ELMOD1: variants seen among roughly 807,000 people sequenced by gnomAD.
ELMOD1 encodes the protein ELMO domain-containing protein 1.
ELMOD1 carries 21 observed loss-of-function variants against 46.7 expected under a neutral mutation model. The ratio of observed to expected loss-of-function variants is 0.45; its 90% confidence interval spans 0.32 to 0.65. The LOEUF is 0.65. Ranked by LOEUF, ELMOD1 falls within the 30% of genes least tolerant of loss-of-function variation. The pLI is 0.04. For missense variants in ELMOD1, 348 were observed against 407.8 expected, an observed-to-expected ratio of 0.85 and a Z score of 1.26; for synonymous variants, 122 against 138.2, an observed-to-expected ratio of 0.88 and a Z score of 0.82.
intron 1 of ELMOD1, among the ~76,000 whole-genome samples, chr11:107,606,733 G>T (rs1031223572): frequency 1.3e-5 from 2 of 152,020 alleles, no homozygotes; most frequent in African/African-American, 4.8e-5. Flanking sequence ...TACTCGGGAG[G>T]CTGAGGCAGG....
Position 107,631,667 on chromosome 11 carries a change from G to C in ELMOD1, c.280G>C (p.Val94Leu). ...IMELKKINPD[V>L]NPQLGISLQA... Reference sequence around the variant, plus strand: ...GGAACTGAAAAAAATTAATCCTGACGTAAATCCACAGTAAGAATATGTTTC... The same window carrying C: ...GGAACTGAAAAAAATTAATCCTGACCTAAATCCACAGTAAGAATATGTTTC... Residue 94 changes from valine (V) to leucine (L), a missense_variant, in exon 5 of 12, where the codon GTA becomes CTA. Coordinates refer to ENST00000265840, the MANE Select transcript of ELMOD1 (RefSeq NM_018712.4). The C allele has an allele frequency of 6.6e-7, 1 of 1,519,326 alleles. No homozygotes were observed. The highest frequency in any genetic ancestry group is 8.9e-7 in the Non-Finnish European group (1 of 1,119,648). 94.1% of individuals were successfully genotyped at this position (1,519,326 alleles called of 1,614,324 possible).
intron 1 of ELMOD1, among the ~76,000 whole-genome samples, chr11:107,596,685 A>T (rs1248119109): frequency 6.6e-6 from 1 of 152,198 alleles, no homozygotes; most frequent in Non-Finnish European, 1.5e-5. Context: ...AAAAGCCTTT[A>T]TTAAAATACT....
At chr11:107,619,197 C>G (rs1219718352) in intron 2 of ELMOD1, among the ~76,000 whole-genome samples, 2 of 152,166 alleles carry the variant, frequency 1.3e-5, no homozygotes, top group African/African-American at 2.4e-5. Flanking sequence ...TTTGATGCAG[C>G]TACTGGTAGT....
intron 1 of ELMOD1, among the ~76,000 whole-genome samples, chr11:107,597,474 C>T (rs1314754660): frequency 1.3e-5 from 2 of 152,146 alleles, no homozygotes; most frequent in Admixed American, 1.3e-4. Context: ...AAAAATATAA[C>T]ATACTGTACT....
At chr11:107,658,883 C>T (rs1396402203) in intron 11 of ELMOD1, among the ~76,000 whole-genome samples, 1 of 152,118 alleles carries the variant, frequency 6.6e-6, no homozygotes, top group African/African-American at 2.4e-5. Flanking sequence ...TGTAGTGAGC[C>T]GAGATTGTGC....
At chr11:107,635,226 A>G (rs768886079) in intron 5 of ELMOD1, among the ~76,000 whole-genome samples, 2 of 152,192 alleles carry the variant, frequency 1.3e-5, no homozygotes, top group Non-Finnish European at 2.9e-5. Flanking sequence ...CTAAGAGCCC[A>G]GTATTACCTA....
Position 107,643,323 on chromosome 11 carries a change from C to T in ELMOD1, c.421-4145C>T, listed in dbSNP as rs557569458. The T allele has an allele frequency of 4.3e-5, 9 of 210,666 alleles. No homozygotes were observed. In the East Asian group the frequency reaches 8.9e-4, roughly 21 times the overall value. The allele number at this position is 210,666 out of a possible 1,614,324, so 13.0% of individuals were successfully genotyped here. ...CAGAAGTTGCAGTGAGCTGAGATCA[C>T]ACCAGTGCACTCCAGCCTGGGTGAC... On this transcript the variant is annotated intron_variant, in intron 6 of 11. Transcript: ENST00000265840.
chr11:107,636,344 C>A (rs1866229258), intron 6 of ELMOD1, among the ~76,000 whole-genome samples: 1 of 152,180 alleles, frequency 6.6e-6, no homozygotes, highest in African/African-American at 2.4e-5. Flanking sequence ...CTTACAGGAT[C>A]TGATGGTATA....
intron 1 of ELMOD1, among the ~76,000 whole-genome samples, chr11:107,609,737 T>C (rs993157098): frequency 6.6e-6 from 1 of 152,172 alleles, no homozygotes; most frequent in African/African-American, 2.4e-5. Context: ...GATAACCTCA[T>C]AGCTTAGCAC....
At chr11:107,631,907 G>A (rs190024833) in intron 5 of ELMOD1, among the ~76,000 whole-genome samples, 151 of 152,306 alleles carry the variant, frequency 9.9e-4, no homozygotes, top group African/African-American at 3.5e-3. Flanking sequence ...TGCAAAGAAT[G>A]TAAGAAATGT....
chr11:107,625,365 A>T, intron 2 of ELMOD1: 2 of 962,826 alleles, frequency 2.1e-6, no homozygotes, highest in Middle Eastern at 5.4e-4. Flanking sequence ...CATATCTTTC[A>T]TCAACAATAG....
chr11:107,618,091 A>C lies in ELMOD1; in HGVS notation c.-85-14A>C, dbSNP rs569879480. ...TATTAGTAAATATACCTAATATCTA[A>C]TTTCTTCCCACAGTTGACACTTACT... On this transcript the variant is annotated splice_polypyrimidine_tract_variant and intron_variant, in intron 1 of 11. Coordinates refer to ENST00000265840, the MANE Select transcript of ELMOD1 (RefSeq NM_018712.4). The C allele has an allele frequency of 4.4e-6, 6 of 1,369,634 alleles. No homozygotes were observed. Among genetic ancestry groups the C allele is most frequent in the African/African-American group, 4.3e-5 (3 of 69,418 alleles). The allele number at this position is 1,369,634 out of a possible 1,614,324, so 84.8% of individuals were successfully genotyped here.
intron 1 of ELMOD1, among the ~76,000 whole-genome samples, chr11:107,611,454 A>G (rs1565372537): frequency 6.6e-6 from 1 of 152,140 alleles, no homozygotes; most frequent in African/African-American, 2.4e-5. Flanking sequence ...GATTCCCAGC[A>G]CTTTGGGAGG....
chr11:107,604,982 A>G (rs764951820), intron 1 of ELMOD1, among the ~76,000 whole-genome samples: 2 of 152,210 alleles, frequency 1.3e-5, no homozygotes, highest in African/African-American at 2.4e-5. Context: ...CATTTTGCCA[A>G]AAGCATCAGA....
chr11:107,622,293 C>T (rs1865964245), intron 2 of ELMOD1, among the ~76,000 whole-genome samples: 2 of 152,146 alleles, frequency 1.3e-5, no homozygotes, highest in South Asian at 4.1e-4. Context: ...GCCATAAGCA[C>T]TAGTGGTCCA....
intron 1 of ELMOD1, among the ~76,000 whole-genome samples, chr11:107,612,297 C>T (rs140618297): frequency 2.3e-4 from 35 of 152,022 alleles, no homozygotes; most frequent in Non-Finnish European, 4.6e-4. Context: ...TAGGTGGGAG[C>T]TAAACATTGG....
chr11:107,643,108 G>A (rs1038473918), intron 6 of ELMOD1: 12 of 190,340 alleles, frequency 6.3e-5, no homozygotes, highest in East Asian at 1.8e-4. Flanking sequence ...TTGGGAGGCC[G>A]AGACCAGCAG....
intron 2 of ELMOD1, among the ~76,000 whole-genome samples, chr11:107,624,618 C>T (rs531132277): frequency 1.2e-4 from 18 of 152,120 alleles, no homozygotes; most frequent in African/African-American, 3.9e-4. Context: ...AGAGTAAGAC[C>T]GTGTCTTGAC....
chr11:107,650,226 A>G, intron 7 of ELMOD1, 109 bp from the exon 8 acceptor site: 1 of 735,976 alleles, frequency 1.4e-6, no homozygotes. Context: ...TGATAACCTT[A>G]TGCCAGTATC....
Sources: gnomAD v4.1 joint callset for allele counts (sites outside exome capture counted in the v4.1 genomes callset) on GRCh38, gnomAD v4.1.1 for gene constraint, MANE v1.5 for transcripts, NCBI Gene and HGNC (gene_info 2026-07-23, HGNC 2026-07-21) for gene names.